GABRA3: variants seen among roughly 807,000 people sequenced by gnomAD.
The protein encoded by GABRA3 is gamma-aminobutyric acid receptor subunit alpha-3.
GABRA3 carries 10 observed loss-of-function variants against 30.1 expected under a neutral mutation model. The ratio of observed to expected loss-of-function variants is 0.33; its 90% CI spans 0.20 to 0.56. The LOEUF (loss-of-function observed/expected upper bound fraction) is 0.56. Among genes scored for constraint, GABRA3 ranks in the 20% least tolerant of loss-of-function variants. The pLI is 0.89. For missense variants in GABRA3, 233 were observed against 392.0 expected (o/e 0.59, Z 3.42); for synonymous variants, 151 against 146.8 (o/e 1.03, Z -0.21).
intron 9 of GABRA3, among the ~76,000 whole-genome samples, chrX:152,180,511 T>C (rs1937131890): frequency 8.9e-6 from 1 of 112,098 alleles, no homozygotes; most frequent in African/African-American, 3.2e-5. Flanking sequence ...TTTGCTCTGT[T>C]GATTGTTTCC....
intron 1 of GABRA3, among the ~76,000 whole-genome samples, chrX:152,385,581 A>T (rs1218858440): frequency 8.9e-6 from 1 of 111,904 alleles, no homozygotes; most frequent in Non-Finnish European, 1.9e-5. Flanking sequence ...TGCTGTGCAG[A>T]AGCTCTTTAG....
chrX:152,188,379 TA>T (rs1937282950), intron 9 of GABRA3, among the ~76,000 whole-genome samples: 1 of 111,261 alleles, frequency 9.0e-6, no homozygotes, highest in African/African-American at 3.3e-5. Context: ...GTAAGTGTTA[TA>T]AAATGTAATA....
intron 4 of GABRA3, among the ~76,000 whole-genome samples, chrX:152,259,557 C>T (rs1340918854): frequency 2.7e-5 from 3 of 111,496 alleles, no homozygotes; most frequent in Non-Finnish European, 3.8e-5. Flanking sequence ...CAAAGCAGGA[C>T]AGGGCAGCAG....
intron 2 of GABRA3, 51 bp downstream of exon 2, chrX:152,364,380 G>C: frequency 8.7e-7 from 1 of 1,153,972 alleles, no homozygotes; most frequent in Non-Finnish European, 1.2e-6. Flanking sequence ...TTTGGTCTGA[G>C]GCAAACATTT....
intron 9 of GABRA3, among the ~76,000 whole-genome samples, chrX:152,173,925 T>A (rs867488536): frequency 9.1e-6 from 1 of 110,318 alleles, no homozygotes; most frequent in Admixed American, 9.7e-5. Context: ...TATCTCCTAA[T>A]GTTATCCCTC....
At chrX:152,206,910 A>G (rs1044522994) in intron 7 of GABRA3, among the ~76,000 whole-genome samples, 4 of 108,148 alleles carry the variant, frequency 3.7e-5, no homozygotes, top group Non-Finnish European at 7.7e-5. Flanking sequence ...GCAGCCCTAC[A>G]CTCCTTATCT....
intron 1 of GABRA3, among the ~76,000 whole-genome samples, chrX:152,397,659 C>T (rs374100334): frequency 2.6e-4 from 29 of 111,835 alleles, no homozygotes; most frequent in African/African-American, 8.7e-4. Flanking sequence ...GACTTTGCCT[C>T]GACCATTAAC....
chrX:152,433,145 T>C (rs1189698239), intron 1 of GABRA3, among the ~76,000 whole-genome samples: 2 of 111,076 alleles, frequency 1.8e-5, no homozygotes, highest in Non-Finnish European at 3.8e-5. Flanking sequence ...CTTATTTTAT[T>C]TGATGAATAA....
At chrX:152,244,675 A>C (rs1040723070) in intron 5 of GABRA3, among the ~76,000 whole-genome samples, 1 of 111,600 alleles carries the variant, frequency 9.0e-6, no homozygotes, top group Non-Finnish European at 1.9e-5. Flanking sequence ...GGAGAGTGAC[A>C]CTTCTGGAAA....
chrX:152,334,843 G>A (rs183616915), intron 3 of GABRA3, among the ~76,000 whole-genome samples: 1 of 111,278 alleles, frequency 9.0e-6, no homozygotes, highest in East Asian at 2.9e-4. Flanking sequence ...TATTTAAACC[G>A]AGAACCATTC....
At chrX:152,420,078 T>C (rs1930336586) in intron 1 of GABRA3, among the ~76,000 whole-genome samples, 1 of 111,956 alleles carries the variant, frequency 8.9e-6, no homozygotes, top group Non-Finnish European at 1.9e-5. Flanking sequence ...CAATACCCAT[T>C]AATGATTTTT....
intron 1 of GABRA3, among the ~76,000 whole-genome samples, chrX:152,407,677 A>T (rs1368731597): frequency 8.9e-6 from 1 of 112,009 alleles, no homozygotes; most frequent in African/African-American, 3.2e-5. Flanking sequence ...AATTCTACTG[A>T]AACTGTCCCC....
intron 3 of GABRA3, among the ~76,000 whole-genome samples, chrX:152,301,969 C>G (rs944036844): frequency 7.2e-5 from 8 of 111,609 alleles, no homozygotes; most frequent in Non-Finnish European, 1.1e-4. Flanking sequence ...TTAGGACTGT[C>G]AAAAGCTGAC....
At chrX:152,269,167 G>T (rs1342133718) in intron 4 of GABRA3, among the ~76,000 whole-genome samples, 1 of 111,850 alleles carries the variant, frequency 8.9e-6, no homozygotes, top group Non-Finnish European at 1.9e-5. Context: ...TGCAGGATAT[G>T]AAATCAACAT....
At chrX:152,329,498 G>A (rs1323482238) in intron 3 of GABRA3, among the ~76,000 whole-genome samples, 1 of 111,594 alleles carries the variant, frequency 9.0e-6, no homozygotes, top group Non-Finnish European at 1.9e-5. Context: ...TCAAAACAGA[G>A]ATATAGACCA....
rs190678367 is a variant in GABRA3 at position 152,198,612 on chromosome X, G to A, written c.779-827C>T. Reference sequence around the variant, plus strand: ...CCCTCTTGTAATCACTCTCTTCACAGACCCTCTAGGCCATGATGCTTTTCT... The same window carrying A: ...CCCTCTTGTAATCACTCTCTTCACAAACCCTCTAGGCCATGATGCTTTTCT... On this transcript the variant is annotated intron_variant, in intron 7 of 9. Coordinates refer to ENST00000370314, the MANE Select transcript of GABRA3 (RefSeq NM_000808.4). Among the ~76,000 whole-genome samples, 8 of 111,732 alleles carry A rather than the reference G, an allele frequency of 7.2e-5. No homozygotes were observed. In the East Asian group the frequency reaches 2.0e-3, roughly 28 times the overall value.
At chrX:152,339,893 T>C (rs1354064732) in intron 3 of GABRA3, among the ~76,000 whole-genome samples, 1 of 112,094 alleles carries the variant, frequency 8.9e-6, no homozygotes, top group Non-Finnish European at 1.9e-5. Flanking sequence ...TTCCTATCAT[T>C]TTATCTTTAA....
chrX:152,216,168 A>G (rs977838937), intron 6 of GABRA3, among the ~76,000 whole-genome samples: 3 of 110,786 alleles, frequency 2.7e-5, no homozygotes, highest in African/African-American at 9.8e-5. Flanking sequence ...TGCCAGTATG[A>G]AAAAAAGTAT....
intron 4 of GABRA3, among the ~76,000 whole-genome samples, chrX:152,267,258 A>T (rs1479441148): frequency 1.8e-5 from 2 of 112,165 alleles, no homozygotes; most frequent in Non-Finnish European, 3.8e-5. Flanking sequence ...TTTGGTATCT[A>T]TTAAAATAAT....
Sources: gnomAD v4.1 joint callset for allele counts (sites outside exome capture counted in the v4.1 genomes callset) on GRCh38, gnomAD v4.1.1 for gene constraint, MANE v1.5 for transcripts, NCBI Gene and HGNC (gene_info 2026-07-23, HGNC 2026-07-21) for gene names.